The following PGCKA1 variants were observed in gnomAD, a reference collection of about 807,000 sequenced individuals.
PGCKA1 encodes PDCD10 and GCKIII kinases-associated protein 1.
chr4:37,456,580 GAACTCTGTTCT>G, the PGCKA1 span, among the ~76,000 whole-genome samples: 1 of 152,170 alleles, frequency 6.6e-6, no homozygotes, highest in East Asian at 1.9e-4. Flanking sequence ...CAGAAGTGCT[GAACTCTGTTCT>G]GTTCAGTGTA....
the PGCKA1 span, among the ~76,000 whole-genome samples, chr4:37,584,794 G>A: frequency 1.3e-5 from 2 of 151,916 alleles, no homozygotes; most frequent in South Asian, 2.1e-4. Flanking sequence ...GCTTTTCCTC[G>A]CCTTCTTGCC....
the PGCKA1 span, among the ~76,000 whole-genome samples, chr4:37,541,657 G>A: frequency 1.3e-5 from 2 of 152,174 alleles, no homozygotes; most frequent in Non-Finnish European, 2.9e-5. Context: ...TCATGTGAAG[G>A]AACGAAGGAA....
chr4:37,536,787 A>G, the PGCKA1 span, among the ~76,000 whole-genome samples: 1 of 152,244 alleles, frequency 6.6e-6, no homozygotes, highest in Non-Finnish European at 1.5e-5. Flanking sequence ...GTGTTCCAAT[A>G]GACATGTATT....
the PGCKA1 span, among the ~76,000 whole-genome samples, chr4:37,565,659 A>G: frequency 6.6e-6 from 1 of 152,226 alleles, no homozygotes; most frequent in Non-Finnish European, 1.5e-5. Flanking sequence ...TGGCCAGACC[A>G]GAATAAACCC....
chr4:37,590,818 T>C, the PGCKA1 span: 1 of 1,614,218 alleles, frequency 6.2e-7, no homozygotes, highest in Non-Finnish European at 8.5e-7. Context: ...AAGCATCTGC[T>C]TTAATGAGAA....
the PGCKA1 span, among the ~76,000 whole-genome samples, chr4:37,467,308 TAAAC>T: frequency 3.3e-5 from 5 of 152,228 alleles, no homozygotes; most frequent in African/African-American, 7.2e-5. Flanking sequence ...GAATAAATTT[TAAAC>T]AAATAACAGT....
the PGCKA1 span, among the ~76,000 whole-genome samples, chr4:37,575,858 C>T: frequency 1.3e-5 from 2 of 152,110 alleles, no homozygotes; most frequent in African/African-American, 4.8e-5. Context: ...AGGAAACTGT[C>T]CTTTCCCCAG....
At chr4:37,574,386 A>G in the PGCKA1 span, among the ~76,000 whole-genome samples, 1 of 152,100 alleles carries the variant, frequency 6.6e-6, no homozygotes, top group Non-Finnish European at 1.5e-5. Flanking sequence ...TTCACATTAA[A>G]GCCAATGTTA....
At chr4:37,531,640 C>A in the PGCKA1 span, among the ~76,000 whole-genome samples, 1 of 151,674 alleles carries the variant, frequency 6.6e-6, no homozygotes, top group Non-Finnish European at 1.5e-5. Flanking sequence ...CGCCTGTAAT[C>A]CCAGCACTTT....
At chr4:37,536,137 A>C in the PGCKA1 span, among the ~76,000 whole-genome samples, 1 of 152,220 alleles carries the variant, frequency 6.6e-6, no homozygotes, top group Non-Finnish European at 1.5e-5. Context: ...ATAACTGGCC[A>C]TATAGCCAGG....
At chr4:37,527,640 A>C in the PGCKA1 span, among the ~76,000 whole-genome samples, 7 of 150,482 alleles carry the variant, frequency 4.7e-5, no homozygotes, top group African/African-American at 1.7e-4. Flanking sequence ...TAACACAGTG[A>C]AACCCCGTCT....
chr4:37,462,734 T>C, the PGCKA1 span, among the ~76,000 whole-genome samples: 2,132 of 152,184 alleles, frequency 0.014, 25 homozygotes, highest in Non-Finnish European at 0.023. Flanking sequence ...TCTAAGCCTA[T>C]TTCTTAAGCA....
At chr4:37,476,147 A>T in the PGCKA1 span, among the ~76,000 whole-genome samples, 3 of 152,166 alleles carry the variant, frequency 2.0e-5, no homozygotes, top group Admixed American at 2.0e-4. Context: ...AATATGATCA[A>T]TCATTCAAGA....
chr4:37,483,449 A>G, the PGCKA1 span, among the ~76,000 whole-genome samples: 1 of 152,002 alleles, frequency 6.6e-6, no homozygotes, highest in Non-Finnish European at 1.5e-5. Flanking sequence ...TTGTTCCTCC[A>G]CACCCTACAC....
the PGCKA1 span, among the ~76,000 whole-genome samples, chr4:37,504,241 G>A: frequency 0.38 from 58,165 of 151,904 alleles, 11,494 homozygotes; most frequent in African/African-American, 0.46. Context: ...TTCAATATAG[G>A]TGTATGGATT....
chr4:37,517,272 T>C, the PGCKA1 span, among the ~76,000 whole-genome samples: 1 of 144,316 alleles, frequency 6.9e-6, no homozygotes, highest in East Asian at 1.9e-4. Flanking sequence ...TATATATAAA[T>C]ATATATATAA....
At chr4:37,474,974 A>G in the PGCKA1 span, among the ~76,000 whole-genome samples, 1 of 152,152 alleles carries the variant, frequency 6.6e-6, no homozygotes, top group Non-Finnish European at 1.5e-5. Context: ...CTTATAAAAG[A>G]CTTCACATTT....
chr4:37,454,416 C>T, the PGCKA1 span, among the ~76,000 whole-genome samples: 1 of 152,154 alleles, frequency 6.6e-6, no homozygotes, highest in African/African-American at 2.4e-5. Flanking sequence ...GAAAAAACTG[C>T]AAGAGATTTT....
chr4:37,551,014 T>TA, the PGCKA1 span, among the ~76,000 whole-genome samples: 196 of 149,364 alleles, frequency 1.3e-3, no homozygotes, highest in East Asian at 9.9e-3. Context: ...AATAGTACCA[T>TA]AAAAAAAAAA....
Sources: allele counts gnomAD v4.1 joint callset (sites outside exome capture counted in the v4.1 genomes callset), GRCh38; gene constraint gnomAD v4.1.1; transcripts MANE v1.5; gene names NCBI Gene and HGNC (gene_info 2026-07-23, HGNC 2026-07-21).